EBF2: variants seen among roughly 807,000 people sequenced by gnomAD.
EBF2 encodes the protein EBF transcription factor 2.
A neutral mutation model predicts 72.8 loss-of-function variants in EBF2; 21 were observed. The observed-to-expected ratio is 0.29, with a 90% CI of 0.20 to 0.42. The LOEUF (loss-of-function observed/expected upper bound fraction) is 0.42. Among genes scored for constraint, EBF2 ranks in the 10% least tolerant of loss-of-function variants. The probability of loss-of-function intolerance (pLI) is 1.00; values close to 1 mark genes in which losing one functional copy is unlikely to be tolerated. For synonymous variants in EBF2, 299 were observed against 274.2 expected (o/e 1.09, Z -0.89); for missense variants, 637 against 731.2 (o/e 0.87, Z 1.49).
At chr8:25,971,117 G>A (rs1195744858) in intron 6 of EBF2, among the ~76,000 whole-genome samples, 1 of 152,160 alleles carries the variant, frequency 6.6e-6, no homozygotes, top group African/African-American at 2.4e-5. Flanking sequence ...TTACAGGCAT[G>A]AGCCACTGCA....
At chr8:25,874,226 A>C (rs1802484114) in intron 10 of EBF2, among the ~76,000 whole-genome samples, 1 of 152,166 alleles carries the variant, frequency 6.6e-6, no homozygotes, top group African/African-American at 2.4e-5. Flanking sequence ...TCCAGTTTGC[A>C]CATCTGTGCA....
chr8:25,902,276 T>C (rs1021981347), intron 7 of EBF2, among the ~76,000 whole-genome samples: 1 of 152,152 alleles, frequency 6.6e-6, no homozygotes, highest in African/African-American at 2.4e-5. Flanking sequence ...GGATTCATTA[T>C]GTCTTAACAG....
intron 5 of EBF2, among the ~76,000 whole-genome samples, chr8:26,033,813 G>A (rs1336877763): frequency 2.0e-5 from 3 of 152,100 alleles, no homozygotes; most frequent in Non-Finnish European, 4.4e-5. Flanking sequence ...AGCTACTTGA[G>A]GGCAGGATTT....
chr8:25,917,761 C>T (rs1483748538), intron 6 of EBF2, among the ~76,000 whole-genome samples: 5 of 152,126 alleles, frequency 3.3e-5, no homozygotes, highest in East Asian at 3.9e-4. Context: ...CATCCTTCCC[C>T]TCCCCCTCCC....
intron 7 of EBF2, among the ~76,000 whole-genome samples, chr8:25,905,119 G>A (rs931455375): frequency 2.0e-5 from 3 of 152,096 alleles, no homozygotes; most frequent in Non-Finnish European, 2.9e-5. Context: ...AATCATTAAG[G>A]AAATGCAAAT....
chr8:25,947,702 T>C (rs1417872835), intron 6 of EBF2, among the ~76,000 whole-genome samples: 1 of 152,208 alleles, frequency 6.6e-6, no homozygotes, highest in Non-Finnish European at 1.5e-5. Context: ...CCCTTCTTTC[T>C]TGCACATGCA....
At chr8:25,981,571 G>A (rs926524151) in intron 6 of EBF2, among the ~76,000 whole-genome samples, 7 of 152,112 alleles carry the variant, frequency 4.6e-5, no homozygotes, top group Admixed American at 4.6e-4. Context: ...AAACCGAGGT[G>A]GATCACCTGA....
At chr8:25,891,194 G>A (rs966945087) in intron 7 of EBF2, among the ~76,000 whole-genome samples, 3 of 152,156 alleles carry the variant, frequency 2.0e-5, no homozygotes, top group Non-Finnish European at 2.9e-5. Context: ...TCCAGCATAT[G>A]TACTGCAGAT....
intron 10 of EBF2, among the ~76,000 whole-genome samples, chr8:25,882,511 G>A (rs1802620956): frequency 6.6e-6 from 1 of 152,136 alleles, no homozygotes; most frequent in South Asian, 2.1e-4. Context: ...CTGCCATGGT[G>A]AGAGTATTTG....
chr8:26,014,804 G>A (rs143141861), intron 6 of EBF2, among the ~76,000 whole-genome samples: 47 of 152,276 alleles, frequency 3.1e-4, no homozygotes, highest in African/African-American at 1.1e-3. Context: ...GCCACATGGG[G>A]AAACAGTTTT....
At chr8:26,041,998 G>A (rs1160665818) in intron 2 of EBF2, 97 bp downstream of exon 2, 1 of 1,506,876 alleles carries the variant, frequency 6.6e-7, no homozygotes, top group African/African-American at 1.4e-5. Context: ...CTGATGGTGA[G>A]AGTGGAAAAG....
intron 7 of EBF2, among the ~76,000 whole-genome samples, chr8:25,898,535 T>G (rs1187565190): frequency 6.6e-6 from 1 of 152,146 alleles, no homozygotes; most frequent in Non-Finnish European, 1.5e-5. Flanking sequence ...CTCTTCATCT[T>G]AAAGGCCACA....
At chr8:25,938,524 A>T (rs1289001005) in intron 6 of EBF2, among the ~76,000 whole-genome samples, 1 of 152,188 alleles carries the variant, frequency 6.6e-6, no homozygotes, top group Non-Finnish European at 1.5e-5. Flanking sequence ...TGAGAAATAC[A>T]TCTGAAACAA....
intron 6 of EBF2, among the ~76,000 whole-genome samples, chr8:26,018,100 T>C (rs1389265989): frequency 2.0e-5 from 3 of 148,294 alleles, no homozygotes; most frequent in African/African-American, 7.5e-5. Flanking sequence ...ACGGACCTCA[T>C]AGGTTGGAAA....
rs191405439 is a variant in EBF2, at chr8:25,902,610, A to T, written c.633+5864T>A. 2.6e-5 allele frequency among the ~76,000 whole-genome samples: 4 copies of T among 152,314 alleles called. No individual in the cohort carries two copies. The East Asian group carries it at 7.7e-4, about 29-fold the overall frequency. ...GACATTGGCAATACATACAAAAATA[A>T]ATAAAACATATCGATTGCCTTCAAG... On this transcript the variant is annotated intron_variant, in intron 7 of 15. Coordinates refer to ENST00000520164, the MANE Select transcript of EBF2 (RefSeq NM_022659.4).
chr8:25,849,811 A>G (rs1374033638), intron 15 of EBF2, among the ~76,000 whole-genome samples: 1 of 152,196 alleles, frequency 6.6e-6, no homozygotes, highest in Non-Finnish European at 1.5e-5. Context: ...ACAACCCCCT[A>G]ATCAGGCACC....
At chr8:25,998,055 A>C (rs994644470) in intron 6 of EBF2, among the ~76,000 whole-genome samples, 6 of 152,234 alleles carry the variant, frequency 3.9e-5, no homozygotes, top group Admixed American at 1.3e-4. Context: ...CAAACAAAAT[A>C]GACTAAAAAA....
intron 5 of EBF2, among the ~76,000 whole-genome samples, chr8:26,035,013 G>A (rs1303292749): frequency 6.6e-6 from 1 of 152,134 alleles, no homozygotes; most frequent in Admixed American, 6.5e-5. Context: ...TCTCTAGAGT[G>A]TCTTCTAGGT....
At chr8:25,971,349 C>A (rs980275146) in intron 6 of EBF2, among the ~76,000 whole-genome samples, 2 of 128,944 alleles carry the variant, frequency 1.6e-5, no homozygotes, top group African/African-American at 2.7e-5. Context: ...CAACAGAGTT[C>A]AGTCTCATTT....
Sources: allele counts gnomAD v4.1 joint callset (sites outside exome capture counted in the v4.1 genomes callset), GRCh38; gene constraint gnomAD v4.1.1; transcripts MANE v1.5; gene names NCBI Gene and HGNC (gene_info 2026-07-23, HGNC 2026-07-21).